Variants in PADI4 observed in about 807,000 individuals in gnomAD.
PADI4 encodes the protein peptidyl arginine deiminase 4, also known as protein-arginine deiminase type-4.
A neutral mutation model predicts 75.0 loss-of-function variants in PADI4; 62 were observed. The observed-to-expected ratio is 0.83, with a 90% CI of 0.67 to 1.02. PADI4 has a LOEUF of 1.02. Ranked by LOEUF, PADI4 falls within the 50% of genes least tolerant of loss-of-function variation. The pLI, the probability that PADI4 is intolerant of heterozygous loss-of-function variation, is 0.00. For missense variants in PADI4, 845 were observed against 850.5 expected (o/e 0.99, Z 0.08); for synonymous variants, 361 against 348.1 (o/e 1.04, Z -0.41).
In PADI4 at chr1:17,356,326, T is replaced by G; in HGVS notation, c.1456-31T>G. ...TCGTTGGGAGCTCCAGGGGCAAAGC[T>G]GACTTCTAACCCCAGTGTTTCTGCC... is the stretch of plus-strand genomic sequence containing the variant. On this transcript the variant is annotated intron_variant, in intron 12 of 15. Transcript: ENST00000375448. This position sits in a 1 kb window ranked among gnomAD's most constrained non-coding sequence, Gnocchi z 4.1. 6.6e-7 allele frequency: 1 copy of G among 1,507,440 alleles called. No individual in the cohort carries two copies. The highest frequency in any genetic ancestry group is 1.2e-5 in the South Asian group (1 of 83,602). 93.4% of individuals were successfully genotyped at this position (1,507,440 alleles called of 1,614,324 possible).
intron 1 of PADI4, among the ~76,000 whole-genome samples, chr1:17,330,267 T>G (rs1417873018): frequency 6.6e-6 from 1 of 152,164 alleles, no homozygotes; most frequent in Non-Finnish European, 1.5e-5. Context: ...CAGTACTTAC[T>G]CCCCACGGTC....
intron 9 of PADI4, among the ~76,000 whole-genome samples, chr1:17,347,678 AG>A (rs1355401992): frequency 6.6e-6 from 1 of 151,574 alleles, no homozygotes; most frequent in African/African-American, 2.4e-5. Flanking sequence ...TTTGCTCACC[AG>A]GGGTCCCCAG....
chr1:17,357,006 A>G (rs2074772667), intron 13 of PADI4, among the ~76,000 whole-genome samples: 1 of 152,072 alleles, frequency 6.6e-6, no homozygotes, highest in Admixed American at 6.5e-5. Context: ...AGATCTGAGT[A>G]TGTTGTGTGG....
In PADI4 at chr1:17,356,706, A is replaced by C. The variant is rs1420948691; in HGVS notation, c.1558+247A>C. Among the ~76,000 whole-genome samples the C allele has an allele frequency of 6.6e-6, 1 of 151,976 alleles. No individual in the cohort carries two copies. Among genetic ancestry groups the C allele is most frequent in the Non-Finnish European group, 1.5e-5 (1 of 67,970 alleles). ...ACACAGGGGCTTTGAGGGGTGTCTG[A>C]GTGGATGGAGCTCAGGGAAGGCTTC... On this transcript the variant is annotated intron_variant, in intron 13 of 15. Coordinates refer to ENST00000375448, the MANE Select transcript of PADI4 (RefSeq NM_012387.3). The surrounding 1 kb of genome is among the most constrained non-coding windows in gnomAD (Gnocchi z 4.1).
chr1:17,329,546 T>A (rs189210545), intron 1 of PADI4, among the ~76,000 whole-genome samples: 40 of 152,162 alleles, frequency 2.6e-4, no homozygotes, highest in African/African-American at 9.4e-4. Flanking sequence ...TAAGTGGAAG[T>A]GGATCATCAT....
intron 1 of PADI4, among the ~76,000 whole-genome samples, chr1:17,320,704 T>A (rs1158365037): frequency 6.6e-6 from 1 of 152,184 alleles, no homozygotes; most frequent in Non-Finnish European, 1.5e-5. Flanking sequence ...GTCATCGTCT[T>A]GGTTTTGGTG....
intron 6 of PADI4, among the ~76,000 whole-genome samples, chr1:17,340,823 G>A (rs1305474280): frequency 7.4e-6 from 1 of 134,578 alleles, no homozygotes; most frequent in African/African-American, 2.8e-5. Flanking sequence ...TTTTTTTTGA[G>A]AGAGTCTCAC....
chr1:17,345,117 C>T (rs2074491832), intron 8 of PADI4, among the ~76,000 whole-genome samples: 1 of 152,224 alleles, frequency 6.6e-6, no homozygotes, highest in Non-Finnish European at 1.5e-5. Context: ...TCAGCATGAC[C>T]TGGATGTGAG....
At chr1:17,323,323 A>T (rs1160158513) in intron 1 of PADI4, among the ~76,000 whole-genome samples, 1 of 98,386 alleles carries the variant, frequency 1.0e-5, no homozygotes, top group Non-Finnish European at 2.3e-5. Context: ...ATATTCCAGC[A>T]CTTTTACTTC....
At chr1:17,340,532 G>T (rs972024611) in intron 6 of PADI4, among the ~76,000 whole-genome samples, 1 of 152,028 alleles carries the variant, frequency 6.6e-6, no homozygotes, top group African/African-American at 2.4e-5. Context: ...CGGCAAGTGC[G>T]TGGGCCCTGA....
At chr1:17,311,628 A>C (rs7525199) in intron 1 of PADI4, among the ~76,000 whole-genome samples, 2 of 151,534 alleles carry the variant, frequency 1.3e-5, no homozygotes, top group South Asian at 2.1e-4. Flanking sequence ...GGGTTCACGC[A>C]ATTCTCCTGC....
At chr1:17,313,189 C>CA (rs996899377) in intron 1 of PADI4, among the ~76,000 whole-genome samples, 2 of 145,878 alleles carry the variant, frequency 1.4e-5, no homozygotes, top group African/African-American at 5.1e-5. Context: ...GACTCTGCCT[C>CA]AAAAAAAATA....
intron 1 of PADI4, among the ~76,000 whole-genome samples, chr1:17,324,153 T>A (rs1557546331): frequency 7.0e-6 from 1 of 142,390 alleles, no homozygotes; most frequent in African/African-American, 2.7e-5. Flanking sequence ...TGGGTTTTTT[T>A]TGTTTTTTTT....
chr1:17,350,369 C>T (rs183564086), intron 10 of PADI4, among the ~76,000 whole-genome samples: 1 of 131,080 alleles, frequency 7.6e-6, no homozygotes, highest in African/African-American at 2.5e-5. Flanking sequence ...AAAGCCAGCT[C>T]GTTACAAGTG....
intron 13 of PADI4, among the ~76,000 whole-genome samples, chr1:17,358,016 G>A (rs2074789983): frequency 6.6e-6 from 1 of 151,968 alleles, no homozygotes; most frequent in Non-Finnish European, 1.5e-5. Context: ...GGGAGGCTGA[G>A]GCGGGTGGAT....
intron 1 of PADI4, among the ~76,000 whole-genome samples, chr1:17,316,998 T>C (rs1230897749): frequency 6.6e-6 from 1 of 152,156 alleles, no homozygotes; most frequent in African/African-American, 2.4e-5. Flanking sequence ...AGGCTCACAG[T>C]AGCTCTCAAC....
chr1:17,363,414 C>G, intron 15 of PADI4, 108 bp from the exon 16 acceptor site: 4 of 735,478 alleles, frequency 5.4e-6, no homozygotes, highest in Non-Finnish European at 9.4e-6. Flanking sequence ...TGAGCCACCA[C>G]CCCTGGAGGG....
At chr1:17,342,550 A>G in intron 8 of PADI4, 148 bp downstream of exon 8, 1 of 616,218 alleles carries the variant, frequency 1.6e-6, no homozygotes, top group East Asian at 2.8e-5. Flanking sequence ...AAAGGCAGGG[A>G]AGTTCCCTAC....
At chr1:17,337,618 G>T (rs180675030) in intron 4 of PADI4, among the ~76,000 whole-genome samples, 169 of 152,118 alleles carry the variant, frequency 1.1e-3, no homozygotes, top group African/African-American at 3.7e-3. Flanking sequence ...AACTGCACTG[G>T]GTTAAAGAAG....
Sources: gnomAD v4.1 joint callset for allele counts (sites outside exome capture counted in the v4.1 genomes callset) on GRCh38, gnomAD v4.1.1 for gene constraint, Gnocchi (gnomAD v3.1) non-coding constraint, MANE v1.5 for transcripts, NCBI Gene and HGNC (gene_info 2026-07-23, HGNC 2026-07-21) for gene names.